ITGA9: variants seen among roughly 807,000 people sequenced by gnomAD.
The protein encoded by ITGA9 is integrin subunit alpha 9, also known as integrin alpha-9.
In ITGA9, 56 loss-of-function variants were observed where a neutral mutation model predicts 127.8. The ratio of observed to expected loss-of-function variants is 0.44; its 90% CI spans 0.35 to 0.55. ITGA9 has a LOEUF of 0.55. Ranked by LOEUF, ITGA9 falls within the 20% of genes least tolerant of loss-of-function variation. The pLI is 0.00. For synonymous variants in ITGA9, 508 were observed against 514.5 expected (o/e 0.99, Z 0.17); for missense variants, 1,196 against 1,347.1 (o/e 0.89, Z 1.76).
intron 27 of ITGA9, chr3:37,807,669 CCT>C (rs1697314789): frequency 6.6e-6 from 1 of 152,354 alleles, no homozygotes; most frequent in Non-Finnish European, 1.5e-5. Flanking sequence ...TTTACTTGAG[CCT>C]AAGAATTTGA....
chr3:37,562,604 G>C (rs2555239), intron 15 of ITGA9, among the ~76,000 whole-genome samples: 1 of 151,994 alleles, frequency 6.6e-6, no homozygotes, highest in Non-Finnish European at 1.5e-5. Flanking sequence ...CTGTTAGCCA[G>C]TTTCCTCAAA....
At chr3:37,557,906 G>T (rs1339436105) in intron 15 of ITGA9, among the ~76,000 whole-genome samples, 1 of 152,122 alleles carries the variant, frequency 6.6e-6, no homozygotes, top group Non-Finnish European at 1.5e-5. Context: ...CCAAGTCTTG[G>T]GTTTGAATCC....
intron 2 of ITGA9, 87 bp downstream of exon 2, chr3:37,471,221 C>G (rs915967854): frequency 4.2e-6 from 6 of 1,440,938 alleles, no homozygotes; most frequent in Non-Finnish European, 4.9e-6. Context: ...TGATCATTCA[C>G]TCACCCATCC....
At chr3:37,772,474 T>G (rs1696856522) in intron 23 of ITGA9, among the ~76,000 whole-genome samples, 1 of 151,676 alleles carries the variant, frequency 6.6e-6, no homozygotes, top group Non-Finnish European at 1.5e-5. Flanking sequence ...GAGGACTGAA[T>G]GTTAATGTGT....
intron 18 of ITGA9, among the ~76,000 whole-genome samples, chr3:37,707,578 A>T (rs1701020807): frequency 6.6e-6 from 1 of 152,176 alleles, no homozygotes; most frequent in African/African-American, 2.4e-5. Flanking sequence ...AGGGGACATA[A>T]GTACAAAGTG....
intron 5 of ITGA9, among the ~76,000 whole-genome samples, chr3:37,500,913 A>G (rs1022346767): frequency 8.6e-5 from 13 of 150,336 alleles, no homozygotes; most frequent in Admixed American, 2.6e-4. Context: ...CTTCATGACC[A>G]GTATCTTTGG....
chr3:37,530,406 C>A (rs566887017), intron 13 of ITGA9, among the ~76,000 whole-genome samples: 64 of 152,304 alleles, frequency 4.2e-4, no homozygotes, highest in African/African-American at 1.5e-3. Context: ...CTCCTAAGGG[C>A]AGGAGGCCAG....
At chr3:37,684,473 ATTAT>A (rs921259626) in intron 18 of ITGA9, among the ~76,000 whole-genome samples, 2 of 151,888 alleles carry the variant, frequency 1.3e-5, no homozygotes, top group Non-Finnish European at 1.5e-5. Context: ...TGTGCTTTGG[ATTAT>A]TTATTTATTT....
intron 19 of ITGA9, among the ~76,000 whole-genome samples, chr3:37,735,270 A>G (rs2125529914): frequency 6.6e-6 from 1 of 152,308 alleles, no homozygotes; most frequent in Non-Finnish European, 1.5e-5. Context: ...ACTCTACACC[A>G]GTCAAGACCC....
At chr3:37,540,436 A>T (rs958159461) in intron 14 of ITGA9, among the ~76,000 whole-genome samples, 6 of 152,316 alleles carry the variant, frequency 3.9e-5, no homozygotes, top group Middle Eastern at 3.4e-3. Context: ...TAGAAAGTAA[A>T]TTGGCTAGAG....
Position 37,821,983 on chromosome 3 carries a change from G to C in ITGA9, c.*2994G>C, listed in dbSNP as rs116526193. The C allele has an allele frequency of 6.6e-6, 1 of 152,110 alleles. No individual in the cohort carries two copies. The highest frequency in any genetic ancestry group is 1.9e-4 in the East Asian group (1 of 5,144). 9.4% of individuals were successfully genotyped at this position (152,110 alleles called of 1,614,324 possible). A position where few individuals can be genotyped will look rare whatever the true frequency, so the allele number is the denominator to read the frequency against. On this transcript the variant is annotated 3_prime_UTR_variant, in exon 28 of 28. Transcript: ENST00000264741. The stretch of plus-strand genomic sequence containing the variant: ...TAGAGAAGTCAAGCATATCGTTAGC[G>C]CTCTCTCAACTTGGGCAGTTCACAA...
At chr3:37,706,485 A>G (rs1278380590) in intron 18 of ITGA9, among the ~76,000 whole-genome samples, 4 of 152,198 alleles carry the variant, frequency 2.6e-5, no homozygotes, top group Admixed American at 2.0e-4. Flanking sequence ...AAAGGAGGGT[A>G]TGTCTTTGAG....
At chr3:37,748,135 A>G in intron 22 of ITGA9, 1 of 492,202 alleles carries the variant, frequency 2.0e-6, no homozygotes, top group Non-Finnish European at 4.0e-6. Context: ...GGGAAAGAGG[A>G]AAGGCACCTG....
At chr3:37,716,196 C>T (rs1701133303) in intron 18 of ITGA9, among the ~76,000 whole-genome samples, 1 of 152,172 alleles carries the variant, frequency 6.6e-6, no homozygotes, top group African/African-American at 2.4e-5. Flanking sequence ...CGTGGCCATC[C>T]TCCCACAAAA....
chr3:37,670,268 C>T (rs142985928), intron 17 of ITGA9, among the ~76,000 whole-genome samples: 106 of 152,248 alleles, frequency 7.0e-4, no homozygotes, highest in African/African-American at 2.4e-3. Context: ...CTAATGTCTT[C>T]TTATATGCCT....
intron 27 of ITGA9, among the ~76,000 whole-genome samples, chr3:37,810,977 G>A (rs892312365): frequency 1.3e-5 from 2 of 152,266 alleles, no homozygotes. Context: ...AGCTCCTGGC[G>A]GCCTTCAAGA....
At chr3:37,763,958 G>A (rs1324723231) in intron 23 of ITGA9, among the ~76,000 whole-genome samples, 2 of 152,088 alleles carry the variant, frequency 1.3e-5, no homozygotes, top group African/African-American at 2.4e-5. Context: ...GGATTTGGGG[G>A]ATTATATGAT....
intron 4 of ITGA9, among the ~76,000 whole-genome samples, chr3:37,494,246 T>C (rs959035441): frequency 1.3e-5 from 2 of 152,214 alleles, no homozygotes; most frequent in Admixed American, 6.5e-5. Flanking sequence ...CTATTGCTCC[T>C]CTTTCTCGCA....
chr3:37,759,100 C>CAT (rs753666121), intron 23 of ITGA9, among the ~76,000 whole-genome samples: 3 of 150,102 alleles, frequency 2.0e-5, no homozygotes, highest in East Asian at 3.9e-4. Flanking sequence ...CACACACACA[C>CAT]ATATACCCAC....
Sources: gnomAD v4.1 joint callset for allele counts (sites outside exome capture counted in the v4.1 genomes callset) on GRCh38, gnomAD v4.1.1 for gene constraint, MANE v1.5 for transcripts, NCBI Gene and HGNC (gene_info 2026-07-23, HGNC 2026-07-21) for gene names.